MBD5: variants seen among roughly 807,000 people sequenced by gnomAD.
MBD5 encodes the protein methyl-CpG-binding domain protein 5.
Under a neutral mutation model 117.3 loss-of-function variants are expected in MBD5, and 13 were observed. The observed-to-expected ratio is 0.11, with a 90% CI of 0.07 to 0.18. The LOEUF (loss-of-function observed/expected upper bound fraction) is 0.18, where lower values mean the gene tolerates loss of function less well. Ranked by LOEUF, MBD5 falls within the 10% of genes least tolerant of loss-of-function variation. The pLI, the probability that MBD5 is intolerant of heterozygous loss-of-function variation, is 1.00. For missense variants in MBD5, 1,879 were observed against 2,093.8 expected, an observed-to-expected ratio of 0.90 and a Z score of 2.00; for synonymous variants, 727 against 766.4, an observed-to-expected ratio of 0.95 and a Z score of 0.85.
At chr2:148,114,030 A>G (rs945093467) in intron 1 of MBD5, among the ~76,000 whole-genome samples, 5 of 152,134 alleles carry the variant, frequency 3.3e-5, no homozygotes, top group African/African-American at 4.8e-5. Flanking sequence ...ATTTGGCTGT[A>G]TAATATTGTG....
chr2:148,205,985 A>G (rs1699270762), intron 2 of MBD5, among the ~76,000 whole-genome samples: 1 of 152,042 alleles, frequency 6.6e-6, no homozygotes. Context: ...TACAAAAAAT[A>G]CAAAAATTAG....
At chr2:148,044,588 AT>A (rs1694463046) in intron 1 of MBD5, 1 of 152,202 alleles carries the variant, frequency 6.6e-6, no homozygotes, top group Non-Finnish European at 1.5e-5. Flanking sequence ...ATAAATAAAT[AT>A]AAGATGATGA....
chr2:148,397,242 A>G (rs1291185200), intron 4 of MBD5, among the ~76,000 whole-genome samples: 1 of 152,144 alleles, frequency 6.6e-6, no homozygotes, highest in Non-Finnish European at 1.5e-5. Flanking sequence ...TCATATGGTC[A>G]ACGTGATTAT....
chr2:148,486,588 A>G, intron 10 of MBD5, among the ~76,000 whole-genome samples: 1 of 152,202 alleles, frequency 6.6e-6, no homozygotes, highest in East Asian at 1.9e-4. Flanking sequence ...TATTTTCCTA[A>G]TACATATTAA....
intron 1 of MBD5, among the ~76,000 whole-genome samples, chr2:148,166,938 A>G (rs1285907730): frequency 6.6e-6 from 1 of 151,556 alleles, no homozygotes; most frequent in Admixed American, 6.6e-5. Context: ...ATTAATGAGG[A>G]TTCTTTAATT....
chr2:148,431,838 T>A (rs932325124), intron 4 of MBD5, among the ~76,000 whole-genome samples: 1 of 152,182 alleles, frequency 6.6e-6, no homozygotes, highest in Non-Finnish European at 1.5e-5. Context: ...AGCGCTGCAG[T>A]GGACATACAC....
intron 4 of MBD5, among the ~76,000 whole-genome samples, chr2:148,427,731 T>C (rs984070633): frequency 9.2e-5 from 14 of 152,014 alleles, no homozygotes; most frequent in Admixed American, 3.9e-4. Flanking sequence ...ATGGCACATG[T>C]ATACATATGT....
At chr2:148,320,472 C>A (rs149464332) in intron 3 of MBD5, among the ~76,000 whole-genome samples, 3 of 152,114 alleles carry the variant, frequency 2.0e-5, no homozygotes, top group Non-Finnish European at 4.4e-5. Context: ...TCCCATTTCA[C>A]CCTCCCAAGT....
At chr2:148,063,419 C>G (rs1695094210) in intron 1 of MBD5, among the ~76,000 whole-genome samples, 1 of 152,116 alleles carries the variant, frequency 6.6e-6, no homozygotes, top group Non-Finnish European at 1.5e-5. Flanking sequence ...ATGCAAGTGT[C>G]AGCACACTTT....
chr2:148,407,032 G>C (rs902944760), intron 4 of MBD5, among the ~76,000 whole-genome samples: 4 of 152,130 alleles, frequency 2.6e-5, no homozygotes, highest in African/African-American at 9.7e-5. Flanking sequence ...CTCCAGGAGA[G>C]CAGGGTCCAG....
intron 1 of MBD5, chr2:148,027,165 T>G (rs1693920734): frequency 6.6e-6 from 1 of 152,180 alleles, no homozygotes; most frequent in Non-Finnish European, 1.5e-5. Flanking sequence ...GTATACACAT[T>G]ACCTTCTGGA....
At chr2:148,175,700 C>T (rs534283043) in intron 1 of MBD5, among the ~76,000 whole-genome samples, 35 of 152,160 alleles carry the variant, frequency 2.3e-4, no homozygotes, top group Non-Finnish European at 4.3e-4. Context: ...GTTTGAAATC[C>T]AGTTCTTCCA....
chr2:148,330,053 C>CCCCCCCCCCCCA (rs1559026394), intron 3 of MBD5, among the ~76,000 whole-genome samples: 5 of 21,088 alleles, frequency 2.4e-4, no homozygotes, highest in East Asian at 1.3e-3. Context: ...GCCCCCCCCA[C>CCCCCCCCCCCCA]ACACACACAC....
At chr2:148,102,207 T>G (rs1303879605) in intron 1 of MBD5, among the ~76,000 whole-genome samples, 1 of 152,220 alleles carries the variant, frequency 6.6e-6, no homozygotes, top group Non-Finnish European at 1.5e-5. Context: ...TTTCACCTAC[T>G]TTGTCCAAAT....
chr2:148,466,546 G>T (rs761593866), intron 7 of MBD5, among the ~76,000 whole-genome samples: 1 of 152,028 alleles, frequency 6.6e-6, no homozygotes, highest in Non-Finnish European at 1.5e-5. Flanking sequence ...AAGAGAACAT[G>T]GTCAGTCATA....
intron 4 of MBD5, among the ~76,000 whole-genome samples, chr2:148,348,131 G>A (rs1703165850): frequency 6.6e-6 from 1 of 151,990 alleles, no homozygotes; most frequent in Non-Finnish European, 1.5e-5. Flanking sequence ...AAAGCACAAT[G>A]CCTTGTATGC....
intron 1 of MBD5, among the ~76,000 whole-genome samples, chr2:148,044,118 T>A (rs1039386194): frequency 6.6e-6 from 1 of 152,236 alleles, no homozygotes; most frequent in Non-Finnish European, 1.5e-5. Flanking sequence ...AATGCATATA[T>A]TAAGTGGTGT....
At chr2:148,361,384 G>A (rs759157633) in intron 4 of MBD5, among the ~76,000 whole-genome samples, 1 of 151,924 alleles carries the variant, frequency 6.6e-6, no homozygotes, top group Non-Finnish European at 1.5e-5. Flanking sequence ...AAAACGTGTT[G>A]GATTTACAGA....
intron 4 of MBD5, among the ~76,000 whole-genome samples, chr2:148,441,231 A>G (rs1041384193): frequency 6.6e-6 from 1 of 152,054 alleles, no homozygotes; most frequent in African/African-American, 2.4e-5. Flanking sequence ...CATTAGGTAT[A>G]TCTCCTAATG....
Sources: allele counts gnomAD v4.1 joint callset (sites outside exome capture counted in the v4.1 genomes callset), GRCh38; gene constraint gnomAD v4.1.1; transcripts MANE v1.5; gene names NCBI Gene and HGNC (gene_info 2026-07-23, HGNC 2026-07-21).